Variants in BHLHE41 observed in about 807,000 individuals in gnomAD.
BHLHE41 encodes class E basic helix-loop-helix protein 41.
In BHLHE41, 14 loss-of-function variants were observed where a neutral mutation model predicts 24.0. That is an observed-to-expected ratio of 0.58 (90% CI 0.39 to 0.91). BHLHE41 has a LOEUF of 0.91. Ranked by LOEUF, BHLHE41 falls within the 40% of genes least tolerant of loss-of-function variation. BHLHE41 has a pLI of 0.00. For synonymous variants in BHLHE41, 394 were observed against 315.5 expected, an observed-to-expected ratio of 1.25 and a Z score of -2.64; for missense variants, 674 against 655.4, an observed-to-expected ratio of 1.03 and a Z score of -0.31.
rs909227356 is a variant in BHLHE41, at chr12:26,122,282, CGCGGCGGCGGCG to C, written c.1221_1232del (p.Ala408_Ala411del). The C allele has an allele frequency of 3.3e-6, 4 of 1,202,354 alleles. No homozygotes were observed. The highest frequency in any genetic ancestry group is 4.2e-5 in the South Asian group (1 of 24,048). 74.5% of individuals were successfully genotyped at this position (1,202,354 alleles called of 1,614,324 possible). On this transcript the variant is annotated inframe_deletion, in exon 5 of 5. Coordinates refer to ENST00000242728, the MANE Select transcript of BHLHE41 (RefSeq NM_030762.3). ...ACAACACCGAGGACAGGCAGGGGAA[CGCGGCGGCGGCG>C]GCGGCAGCGGCGGCGGCGGCTGCCG...
Position 26,122,132 on chromosome 12 carries a change from G to C in BHLHE41, c.1383C>G (p.Arg461=). ...CAGAGCTCTCCGGGTTCCCCGGCTC[G>C]CGGGGCCCGGCGAAGGGCAGGTGGG... ...GRTHLPFAGP[R]EPGNPESSAQ... The change falls in exon 5 of 5, where the codon CGC becomes CGG. Residue 461 remains arginine (R), a synonymous_variant. Transcript: ENST00000242728. 5 of 1,548,814 alleles carry C rather than the reference G, an allele frequency of 3.2e-6. No individual in the cohort carries two copies. Among genetic ancestry groups the C allele is most frequent in the Middle Eastern group, 3.4e-4 (2 of 5,866 alleles).
Position 26,122,447 on chromosome 12 carries a change from A to T in BHLHE41, c.1068T>A (p.Pro356=). 2 of 1,355,258 alleles carry T rather than the reference A, an allele frequency of 1.5e-6. No individual in the cohort carries two copies. The highest frequency in any genetic ancestry group is 2.7e-5 in the Admixed American group (1 of 37,422). The allele number at this position is 1,355,258 out of a possible 1,614,324, so 84.0% of individuals were successfully genotyped here. The change falls in exon 5 of 5, where the codon CCT becomes CCA. Residue 356 remains proline (P), a synonymous_variant. Coordinates refer to ENST00000242728, the MANE Select transcript of BHLHE41 (RefSeq NM_030762.3). ...PFCLPFCFLS[P]SAAAAYVQPF... ...GCTGCACGTAGGCGGCAGCTGCAGA[A>T]GGCGAGAGGAAGCAGAAGGGCAGGC... is the stretch of plus-strand genomic sequence containing the variant.
rs1472961031 is a variant in BHLHE41, at chr12:26,122,166, T to C, written c.1349A>G (p.His450Arg). Residue 450 changes from histidine to arginine, a missense_variant, in exon 5 of 5, where the codon CAC (histidine) becomes CGC (arginine). His to Arg is a conservative substitution (Grantham distance 29). Around this residue, in one of 3 missense-constraint regions of BHLHE41, gnomAD observed 602 missense variants for 570.8 expected, o/e 1.05. Coordinates refer to ENST00000242728, the MANE Select transcript of BHLHE41 (RefSeq NM_030762.3). ...GGCGAAGGGCAGGTGGGTGCGGCCGTGCGGGTGCTGGGGGTGCGGCGCCCC... is the reference window on the plus strand; with the variant it reads ...GGCGAAGGGCAGGTGGGTGCGGCCGCGCGGGTGCTGGGGGTGCGGCGCCCC... ...PLGAPHPQHP[H>R]GRTHLPFAGP... 1.8e-5 allele frequency: 27 copies of C among 1,533,208 alleles called. No individual in the cohort carries two copies. Among genetic ancestry groups the C allele is most frequent in the Non-Finnish European group, 2.2e-5 (25 of 1,139,048 alleles). The allele number at this position is 1,533,208 out of a possible 1,614,324, so 95.0% of individuals were successfully genotyped here.
chr12:26,121,919 G>A lies in BHLHE41; in HGVS notation c.*147C>T. 6.5e-7 allele frequency: 1 copy of A among 1,529,004 alleles called. No individual in the cohort carries two copies. The highest frequency in any genetic ancestry group is 8.8e-7 in the Non-Finnish European group (1 of 1,137,882). 94.7% of individuals were successfully genotyped at this position (1,529,004 alleles called of 1,614,324 possible). The stretch of plus-strand genomic sequence containing the variant: ...ATGTACACATAACACCTGTTTTGTT[G>A]TTCTTGTTTATGCCTGTCGTGCATC... On this transcript the variant is annotated 3_prime_UTR_variant, in exon 5 of 5. Coordinates refer to ENST00000242728, the MANE Select transcript of BHLHE41 (RefSeq NM_030762.3).
rs1363920527 is a variant in BHLHE41 at position 26,122,636 on chromosome 12, C to T, written c.879G>A (p.Pro293=). The change falls in exon 5 of 5, where the codon CCG becomes CCA. Residue 293 remains proline, a synonymous_variant. Coordinates refer to ENST00000242728, the MANE Select transcript of BHLHE41 (RefSeq NM_030762.3). ...DSRGGGSGGG[P]GGGAAAAAAA... is the part of the protein sequence containing the mutation. The stretch of plus-strand genomic sequence containing the variant: ...CTGCCGCCGCCGCCGCGCCGCCCCC[C>T]GGGCCGCCGCCGCTGCCGCCGCCGC... 3.9e-6 allele frequency: 5 copies of T among 1,285,414 alleles called. No individual in the cohort carries two copies. Among genetic ancestry groups the T allele is most frequent in the Non-Finnish European group, 3.0e-6 (3 of 1,014,614 alleles). 79.6% of individuals were successfully genotyped at this position (1,285,414 alleles called of 1,614,324 possible).
rs976594840 is a variant in BHLHE41 at position 26,122,006 on chromosome 12, C to T, written c.*60G>A. On this transcript the variant is annotated 3_prime_UTR_variant, in exon 5 of 5. Coordinates refer to ENST00000242728, the MANE Select transcript of BHLHE41 (RefSeq NM_030762.3). ...TTAACTTCTCACTCTGCTTGAACCT[C>T]CTTAAGGGTATTTTAACTTCTCACT... 1.3e-6 allele frequency: 2 copies of T among 1,544,938 alleles called. No individual in the cohort carries two copies. The highest frequency in any genetic ancestry group is 1.4e-5 in the African/African-American group (1 of 72,758).
rs1944315422 is a variant in BHLHE41 at position 26,122,300 on chromosome 12, AGCGGCGGCGGCGGCT to A, written c.1200_1214del (p.Ala407_Ala411del). 8.6e-7 allele frequency: 1 copy of A among 1,163,592 alleles called. No individual in the cohort carries two copies. The highest frequency in any genetic ancestry group is 1.1e-6 in the Non-Finnish European group (1 of 948,222). 72.1% of individuals were successfully genotyped at this position (1,163,592 alleles called of 1,614,324 possible). ...AGGGGAACGCGGCGGCGGCGGCGGC[AGCGGCGGCGGCGGCT>A]GCCGCGGCTGCCGCCGGGGCGGGGA... On this transcript the variant is annotated inframe_deletion, in exon 5 of 5. Transcript: ENST00000242728.
At position 26,124,928 on chromosome 12, in the gene BHLHE41, A is replaced by G; in HGVS notation, c.-149T>C. ...CTTCAGTGCAGTGTTGAAAGTGTGA[A>G]GCAGTTGGTCCCCCCCCTCCACCGC... On this transcript the variant is annotated 5_prime_UTR_variant, in exon 1 of 5. Transcript: ENST00000242728. The G allele has an allele frequency of 1.2e-6, 1 of 821,110 alleles. No individual in the cohort carries two copies. The highest frequency in any genetic ancestry group is 1.4e-5 in the South Asian group (1 of 72,382). The allele number at this position is 821,110 out of a possible 1,614,324, so 50.9% of individuals were successfully genotyped here. A position where few individuals can be genotyped will look rare whatever the true frequency, so the allele number is the denominator to read the frequency against.
In BHLHE41 at chr12:26,124,501, T is replaced by C. The variant is rs1442969238; in HGVS notation, c.126+18A>G. The stretch of plus-strand genomic sequence containing the variant: ...CTACCCATGCAGGTTATGAGGAATA[T>C]CGGGAACTTACACTTACCTTGGTGT... On this transcript the variant is annotated intron_variant, in intron 2 of 4. Transcript: ENST00000242728. 1.9e-6 allele frequency: 3 copies of C among 1,611,420 alleles called. No individual in the cohort carries two copies. The highest frequency in any genetic ancestry group is 2.5e-6 in the Non-Finnish European group (3 of 1,177,662).
chr12:26,122,897 G>A lies in BHLHE41; in HGVS notation c.618C>T (p.Arg206=). 3 of 1,549,170 alleles carry A rather than the reference G, an allele frequency of 1.9e-6. No individual in the cohort carries two copies. Among genetic ancestry groups the A allele is most frequent in the Non-Finnish European group, 2.6e-6 (3 of 1,146,620 alleles). ...CGAGGGGCTCCAGCTTCTGCCCCGC[G>A]CGCTCCAGGCAGGGGGCGGCCGCGG... ...AGSAAAPCLE[R]AGQKLEPLAY... Residue 206 remains arginine, a synonymous_variant, in exon 5 of 5, where the codon CGC becomes CGT. Transcript: ENST00000242728.
At chr12:26,124,460 C>T (rs544091746) in intron 2 of BHLHE41, 59 bp downstream of exon 2, 4 of 1,543,118 alleles carry the variant, frequency 2.6e-6, no homozygotes, top group East Asian at 4.5e-5. Flanking sequence ...ACTGTGAAAT[C>T]AATGGCTCTA....
chr12:26,123,137 G>T lies in BHLHE41; in HGVS notation c.378C>A (p.Ser126=). ...ATCCCGAGTGGAACGCATCCAAGTC[G>T]GACTGAATGGGCGATTTCAGAGATC... is the stretch of plus-strand genomic sequence containing the variant. ...GERSLKSPIQ[S]DLDAFHSGFQ... is the part of the protein sequence containing the mutation. The change falls in exon 5 of 5, where the codon TCC becomes TCA. Residue 126 remains serine (S), a synonymous_variant. Coordinates refer to ENST00000242728, the MANE Select transcript of BHLHE41 (RefSeq NM_030762.3). 1.9e-6 allele frequency: 3 copies of T among 1,604,736 alleles called. No individual in the cohort carries two copies. Among genetic ancestry groups the T allele is most frequent in the Non-Finnish European group, 1.7e-6 (2 of 1,173,756 alleles).
rs1477294830 is a variant in BHLHE41, at chr12:26,123,149, C to T, written c.366G>A (p.Ser122=). 1 of 1,597,018 alleles carries T rather than the reference C, an allele frequency of 6.3e-7. No homozygotes were observed. Among genetic ancestry groups the T allele is most frequent in the South Asian group, 1.1e-5 (1 of 89,094 alleles). The change falls in exon 5 of 5, where the codon TCG becomes TCA. Residue 122 remains serine, a synonymous_variant. Transcript: ENST00000242728. ...ACGCATCCAAGTCGGACTGAATGGG[C>T]GATTTCAGAGATCGCTCCCCTAGGA... The part of the protein sequence containing the change: ...ALQNGERSLK[S]PIQSDLDAFH...
At position 26,122,612 on chromosome 12, in the gene BHLHE41, TGCCGCCGCCGCCGCGCCGCCCCCCGG is replaced by T. The variant is rs1944321053; in HGVS notation, c.877_902del (p.Pro293SerfsTer198). The T allele has an allele frequency of 3.5e-6, 4 of 1,130,288 alleles. No homozygotes were observed. Among genetic ancestry groups the T allele is most frequent in the Non-Finnish European group, 4.3e-6 (4 of 927,452 alleles). The allele number at this position is 1,130,288 out of a possible 1,614,324, so 70.0% of individuals were successfully genotyped here. ...CAGGGTCGGGCCCCAGAAGCGCGGC[TGCCGCCGCCGCCGCGCCGCCCCCCGG>T]GCCGCCGCCGCTGCCGCCGCCGCGG... On this transcript the variant is annotated frameshift_variant, in exon 5 of 5. Transcript: ENST00000242728. LOFTEE classifies it low-confidence loss of function (END_TRUNC).
chr12:26,123,616 C>T lies in BHLHE41; in HGVS notation c.346+14G>A, dbSNP rs762215751. On this transcript the variant is annotated intron_variant, in intron 4 of 4. Transcript: ENST00000242728. Reference sequence around the variant, plus strand: ...GCTTCATCAGGGTAGGCTGGCCTCCCTGAACTGACTTACCATTCTGTAAAG... The same window carrying T: ...GCTTCATCAGGGTAGGCTGGCCTCCTTGAACTGACTTACCATTCTGTAAAG... 1 of 1,597,366 alleles carries T rather than the reference C, an allele frequency of 6.3e-7. No homozygotes were observed. Among genetic ancestry groups the T allele is most frequent in the Non-Finnish European group, 8.6e-7 (1 of 1,164,706 alleles).
At chr12:26,124,498 A>G (rs1944345031) in intron 2 of BHLHE41, 21 bp downstream of exon 2, 1 of 1,609,966 alleles carries the variant, frequency 6.2e-7, no homozygotes, top group Admixed American at 1.7e-5. Flanking sequence ...GTTATGAGGA[A>G]TATCGGGAAC....
At position 26,121,769 on chromosome 12, in the gene BHLHE41, T is replaced by G; in HGVS notation, c.*297A>C. Reference sequence around the variant, plus strand: ...TGGCCTAAAAGGGGGCAAAATTTATTTGGGGGATTAAAAAAAAGAGCCAGT... The same window carrying G: ...TGGCCTAAAAGGGGGCAAAATTTATGTGGGGGATTAAAAAAAAGAGCCAGT... On this transcript the variant is annotated 3_prime_UTR_variant, in exon 5 of 5. Transcript: ENST00000242728. 4.2e-6 allele frequency: 2 copies of G among 480,540 alleles called. No homozygotes were observed. Among genetic ancestry groups the G allele is most frequent in the Non-Finnish European group, 3.4e-6 (1 of 298,502 alleles). The allele number at this position is 480,540 out of a possible 1,614,324, so 29.8% of individuals were successfully genotyped here. A position where few individuals can be genotyped will look rare whatever the true frequency, so the allele number is the denominator to read the frequency against.
rs1944345420 is a variant in BHLHE41, at chr12:26,124,525, G to A, written c.120C>T (p.Asp40=). Residue 40 remains aspartate (D), a synonymous_variant, in exon 2 of 5, where the codon GAC becomes GAT. Coordinates refer to ENST00000242728, the MANE Select transcript of BHLHE41 (RefSeq NM_030762.3). Reference sequence around the variant, plus strand: ...ATCGGGAACTTACACTTACCTTGGTGTCGTCTCGTTTCATGCTCCTTTTGG... The same window carrying A: ...ATCGGGAACTTACACTTACCTTGGTATCGTCTCGTTTCATGCTCCTTTTGG... ...CKPKRSMKRD[D]TKDTYKLPHR... is the part of the protein sequence containing the mutation. 1 of 1,613,912 alleles carries A rather than the reference G, an allele frequency of 6.2e-7. No individual in the cohort carries two copies. The highest frequency in any genetic ancestry group is 1.1e-5 in the South Asian group (1 of 91,086).
rs202148573 is a variant in BHLHE41, at chr12:26,124,719, C to T, written c.61G>A (p.Gly21Arg). The change falls in exon 1 of 5, where the codon GGA becomes AGA. Residue 21 changes from glycine (G) to arginine (R), a missense_variant and splice_region_variant. Transcript: ENST00000242728. ...TTCGCAAGGGTGCGTGCACCTTACC[C>T]TATAAAATCTCTATGTTCCAGTAAC... is the stretch of plus-strand genomic sequence containing the variant. ...RQLLEHRDFI[G>R]LDYSSLYMCK... 4 of 1,614,060 alleles carry T rather than the reference C, an allele frequency of 2.5e-6. No individual in the cohort carries two copies. Among genetic ancestry groups the T allele is most frequent in the Non-Finnish European group, 3.4e-6 (4 of 1,180,004 alleles).
Sources: gnomAD v4.1 joint callset for allele counts on GRCh38, gnomAD v4.1.1 for gene constraint, gnomAD v4.1.1 regional missense constraint, MANE v1.5 for transcripts, NCBI Gene and HGNC (gene_info 2026-07-23, HGNC 2026-07-21) for gene names.